Variants in RPS6KA3 observed in about 807,000 individuals in gnomAD.
RPS6KA3 encodes the protein ribosomal protein S6 kinase alpha-3.
A neutral mutation model predicts 67.2 loss-of-function variants in RPS6KA3; 4 were observed. The observed-to-expected ratio is 0.06, with a 90% CI of 0.03 to 0.14. The LOEUF is 0.14. Among genes scored for constraint, RPS6KA3 ranks in the 10% least tolerant of loss-of-function variants. RPS6KA3 has a pLI of 1.00. For synonymous variants in RPS6KA3, 182 were observed against 183.7 expected (o/e 0.99, Z 0.07); for missense variants, 204 against 559.0 (o/e 0.36, Z 6.40).
At chrX:20,167,996 TGCCACCACACCTG>T (rs1346120803) in intron 16 of RPS6KA3, among the ~76,000 whole-genome samples, 1 of 112,069 alleles carries the variant, frequency 8.9e-6, no homozygotes, top group Non-Finnish European at 1.9e-5. Flanking sequence ...TATAGGCGCA[TGCCACCACACCTG>T]GCTAATTTTT....
In RPS6KA3 at chrX:20,266,723, A is replaced by AGCG. The variant is rs1176398352; in HGVS notation, c.-94_-92dup. The AGCG allele has an allele frequency of 1.1e-4, 56 of 525,417 alleles. No homozygotes were observed. The highest frequency in any genetic ancestry group is 9.5e-4 in the East Asian group (5 of 5,242). The allele number at this position is 525,417 out of a possible 1,213,427, so 43.3% of individuals were successfully genotyped here. A position where few individuals can be genotyped will look rare whatever the true frequency, so the allele number is the denominator to read the frequency against. Reference sequence around the variant, plus strand: ...TCCGTCGCCGCCCGAGCCCCACGGCAGCGGCGGCGGCGGCGGCGGCGGCGG... The same window carrying AGCG: ...TCCGTCGCCGCCCGAGCCCCACGGCAGCGGCGGCGGCGGCGGCGGCGGCGGCGG... On this transcript the variant is annotated 5_prime_UTR_variant, in exon 1 of 22. Transcript: ENST00000379565.
chrX:20,259,764 A>G (rs2070174402), intron 1 of RPS6KA3, among the ~76,000 whole-genome samples: 1 of 111,613 alleles, frequency 9.0e-6, no homozygotes, highest in South Asian at 3.7e-4. Context: ...CAACATCTTA[A>G]AAGTTCTAAA....
chrX:20,225,678 CCA>C (rs1334748219), intron 2 of RPS6KA3, among the ~76,000 whole-genome samples: 1 of 111,535 alleles, frequency 9.0e-6, no homozygotes, highest in Non-Finnish European at 1.9e-5. Flanking sequence ...GCTTCTCTTT[CCA>C]CAGTTTGTGT....
At chrX:20,252,244 C>A (rs1281959545) in intron 1 of RPS6KA3, among the ~76,000 whole-genome samples, 1 of 111,632 alleles carries the variant, frequency 9.0e-6, no homozygotes, top group Non-Finnish European at 1.9e-5. Context: ...TTTGTGATGG[C>A]TGCTTTAAAA....
At chrX:20,212,833 C>T (rs2148740874) in intron 2 of RPS6KA3, among the ~76,000 whole-genome samples, 1 of 111,854 alleles carries the variant, frequency 8.9e-6, no homozygotes, top group African/African-American at 3.2e-5. Flanking sequence ...GTGTTGAGAA[C>T]ACTTTTCATT....
At chrX:20,209,545 T>A (rs2068657303) in intron 2 of RPS6KA3, 141 bp from the exon 3 acceptor site, 2 of 451,725 alleles carry the variant, frequency 4.4e-6, no homozygotes, top group Non-Finnish European at 7.7e-6. Context: ...AAATCCCAAA[T>A]TAACATACAA....
chrX:20,209,553 C>T lies in RPS6KA3; in HGVS notation c.127-149G>A, dbSNP rs1045286478. On this transcript the variant is annotated intron_variant, in intron 2 of 21. Coordinates refer to ENST00000379565, the MANE Select transcript of RPS6KA3 (RefSeq NM_004586.3). ...ATATTAGAAATCCCAAATTAACATACAAAAACCACCTTTTACCAACCCATC... is the reference window on the plus strand; with the variant it reads ...ATATTAGAAATCCCAAATTAACATATAAAAACCACCTTTTACCAACCCATC... 9 of 444,548 alleles carry T rather than the reference C, an allele frequency of 2.0e-5. No individual in the cohort carries two copies. The South Asian group carries it at 2.6e-4, about 13-fold the overall frequency. The allele number at this position is 444,548 out of a possible 1,213,427, so 36.6% of individuals were successfully genotyped here.
At chrX:20,203,863 C>T (rs2068508461) in intron 4 of RPS6KA3, 159 bp downstream of exon 4, 1 of 490,833 alleles carries the variant, frequency 2.0e-6, no homozygotes. Flanking sequence ...TGATTCCTAG[C>T]CTAGCAGGAA....
At chrX:20,236,082 C>A (rs2069403859) in intron 1 of RPS6KA3, among the ~76,000 whole-genome samples, 1 of 110,328 alleles carries the variant, frequency 9.1e-6, no homozygotes, top group Non-Finnish European at 1.9e-5. Flanking sequence ...TGTAATGATC[C>A]CATTCTAAAT....
At chrX:20,230,489 G>T (rs2069231626) in intron 2 of RPS6KA3, among the ~76,000 whole-genome samples, 1 of 112,037 alleles carries the variant, frequency 8.9e-6, no homozygotes, top group South Asian at 3.7e-4. Context: ...TAAGGGAAAA[G>T]AATTCTGGGA....
At chrX:20,158,820 C>T (rs2067244918) in intron 20 of RPS6KA3, among the ~76,000 whole-genome samples, 1 of 111,589 alleles carries the variant, frequency 9.0e-6, no homozygotes, top group South Asian at 3.7e-4. Flanking sequence ...AGAATTCTTT[C>T]CTTGGCTCTC....
chrX:20,223,519 C>T (rs2069035268), intron 2 of RPS6KA3, among the ~76,000 whole-genome samples: 1 of 112,099 alleles, frequency 8.9e-6, no homozygotes, highest in Non-Finnish European at 1.9e-5. Context: ...GCATACATTT[C>T]ACCAACTTTC....
At chrX:20,195,751 A>C (rs2068256338) in intron 4 of RPS6KA3, among the ~76,000 whole-genome samples, 1 of 111,931 alleles carries the variant, frequency 8.9e-6, no homozygotes, top group African/African-American at 3.2e-5. Flanking sequence ...TTTTTTGAAA[A>C]AAACTTAAGC....
chrX:20,201,828 A>T (rs1337719823), intron 4 of RPS6KA3, among the ~76,000 whole-genome samples: 1 of 110,748 alleles, frequency 9.0e-6, no homozygotes, highest in Non-Finnish European at 1.9e-5. Context: ...ATTGTATGAA[A>T]TGTTAACAAT....
At chrX:20,168,893 C>T (rs184252159) in intron 16 of RPS6KA3, among the ~76,000 whole-genome samples, 176 of 111,959 alleles carry the variant, frequency 1.6e-3, no homozygotes, top group African/African-American at 5.4e-3. Flanking sequence ...TGCTCTGCTG[C>T]GCTGGCTGGA....
chrX:20,176,912 T>A, intron 11 of RPS6KA3, 84 bp downstream of exon 11: 1 of 739,192 alleles, frequency 1.4e-6, no homozygotes, highest in East Asian at 3.3e-5. Context: ...AGTTAATAAT[T>A]CCACCACAAA....
chrX:20,206,013 A>G (rs2068565734), intron 3 of RPS6KA3, among the ~76,000 whole-genome samples: 1 of 112,494 alleles, frequency 8.9e-6, no homozygotes, highest in Non-Finnish European at 1.9e-5. Flanking sequence ...CCAGTGTCAC[A>G]GTGGAGGTAC....
In RPS6KA3 at chrX:20,234,290, A is replaced by G. The variant is rs187728475; in HGVS notation, c.126+468T>C. 8.0e-5 allele frequency among the ~76,000 whole-genome samples: 9 copies of G among 111,846 alleles called. No homozygotes were observed. In the East Asian group the frequency reaches 2.5e-3, roughly 31 times the overall value. On this transcript the variant is annotated intron_variant, in intron 2 of 21. Transcript: ENST00000379565. ...GAGACCAGCCTGGCCAACTTGGTGA[A>G]ACCCCATCTCTACTAAAATTACAAA...
chrX:20,220,480 G>A (rs1347322759), intron 2 of RPS6KA3, among the ~76,000 whole-genome samples: 1 of 107,406 alleles, frequency 9.3e-6, no homozygotes, highest in Non-Finnish European at 1.9e-5. Context: ...CAGAATGGCA[G>A]TCTGAACATG....
Sources: allele counts gnomAD v4.1 joint callset (sites outside exome capture counted in the v4.1 genomes callset), GRCh38; gene constraint gnomAD v4.1.1; transcripts MANE v1.5; gene names NCBI Gene and HGNC (gene_info 2026-07-23, HGNC 2026-07-21).